SMAD2: variants seen among roughly 807,000 people sequenced by gnomAD.
SMAD2 encodes SMAD family member 2, also known as MAD homolog 2.
A neutral mutation model predicts 64.4 loss-of-function variants in SMAD2; 8 were observed. The observed-to-expected ratio is 0.12, with a 90% CI of 0.07 to 0.22. The LOEUF (loss-of-function observed/expected upper bound fraction) is 0.22. SMAD2 is among the 10% of genes least tolerant of loss of function. The pLI is 1.00. For synonymous variants in SMAD2, 203 were observed against 195.8 expected (o/e 1.04, Z -0.31); for missense variants, 289 against 561.2 (o/e 0.51, Z 4.90).
intron 1 of SMAD2, among the ~76,000 whole-genome samples, chr18:47,929,720 T>G (rs2034918193): frequency 6.6e-6 from 1 of 152,156 alleles, no homozygotes; most frequent in African/African-American, 2.4e-5. Context: ...TAAGGATAAG[T>G]AAAAGACAAA....
At chr18:47,864,451 A>C (rs957519780) in intron 6 of SMAD2, among the ~76,000 whole-genome samples, 1 of 152,218 alleles carries the variant, frequency 6.6e-6, no homozygotes, top group African/African-American at 2.4e-5. Flanking sequence ...AGATACAGAC[A>C]GGTAAAATGA....
intron 6 of SMAD2, among the ~76,000 whole-genome samples, chr18:47,858,022 A>G (rs979637777): frequency 4.6e-5 from 7 of 152,218 alleles, no homozygotes; most frequent in Non-Finnish European, 1.0e-4. Context: ...GGAAAGGATC[A>G]GCTCCTCAAC....
At chr18:47,921,097 C>A (rs914425763) in intron 1 of SMAD2, among the ~76,000 whole-genome samples, 3 of 152,140 alleles carry the variant, frequency 2.0e-5, no homozygotes, top group African/African-American at 7.2e-5. Flanking sequence ...GTCAAGGTTG[C>A]AGTGAGCTGT....
rs1468388981 is a variant in SMAD2 at position 47,836,154 on chromosome 18, A to G, written c.*5673T>C. Reference sequence around the variant, plus strand: ...GAAAATCCATTTATATTGAGCAAAGATCTGAATCACCTTCAATCAGGCTGT... The same window carrying G: ...GAAAATCCATTTATATTGAGCAAAGGTCTGAATCACCTTCAATCAGGCTGT... On this transcript the variant is annotated 3_prime_UTR_variant, in exon 11 of 11. Coordinates refer to ENST00000262160, the MANE Select transcript of SMAD2 (RefSeq NM_005901.6). The G allele has an allele frequency of 1.8e-5, 4 of 220,154 alleles. No homozygotes were observed. Among genetic ancestry groups the G allele is most frequent in the Non-Finnish European group, 3.6e-5 (4 of 109,858 alleles). 13.6% of individuals were successfully genotyped at this position (220,154 alleles called of 1,614,324 possible). A position where few individuals can be genotyped will look rare whatever the true frequency, so the allele number is the denominator to read the frequency against.
chr18:47,852,791 A>C lies in SMAD2; in HGVS notation c.731-1464T>G, dbSNP rs140296201. On this transcript the variant is annotated intron_variant, in intron 6 of 10. Transcript: ENST00000262160. ...CAGGCTAAATCTAATCAAGAAAATA[A>C]GGGGGCACAAACATACAAAATAAGA... Among the ~76,000 whole-genome samples, 678 of 152,242 alleles carry C rather than the reference A, an allele frequency of 4.5e-3. 5 individuals are homozygous for C. The highest frequency in any genetic ancestry group is 0.016 in the African/African-American group (649 of 41,544).
intron 1 of SMAD2, among the ~76,000 whole-genome samples, chr18:47,926,288 C>G (rs915663604): frequency 3.9e-5 from 6 of 152,164 alleles, no homozygotes; most frequent in Non-Finnish European, 8.8e-5. Flanking sequence ...AAGTATATTA[C>G]GTAGATTATT....
intron 3 of SMAD2, among the ~76,000 whole-genome samples, chr18:47,869,757 T>A (rs74430094): frequency 6.6e-6 from 1 of 152,198 alleles, no homozygotes; most frequent in Non-Finnish European, 1.5e-5. Context: ...TCAACTTCTA[T>A]GTTTAGTAAA....
intron 2 of SMAD2, among the ~76,000 whole-genome samples, chr18:47,886,108 A>G (rs997604475): frequency 2.0e-5 from 3 of 152,256 alleles, no homozygotes; most frequent in African/African-American, 7.2e-5. Context: ...CTTTACATCA[A>G]CCATAAAACA....
At chr18:47,872,098 A>C (rs533959313) in intron 2 of SMAD2, among the ~76,000 whole-genome samples, 11 of 152,314 alleles carry the variant, frequency 7.2e-5, no homozygotes, top group Non-Finnish European at 7.4e-5. Flanking sequence ...GTAATTGTTA[A>C]GAACTTGCAA....
At chr18:47,857,502 G>A (rs766860007) in intron 6 of SMAD2, among the ~76,000 whole-genome samples, 24 of 152,174 alleles carry the variant, frequency 1.6e-4, no homozygotes, top group Non-Finnish European at 2.8e-4. Flanking sequence ...GAAGATTGGG[G>A]AAAACCTTTG....
Position 47,810,249 on chromosome 18 carries a change from C to A in SMAD2, c.*31578G>T, listed in dbSNP as rs2144219761. 1 of 152,392 alleles carries A rather than the reference C, an allele frequency of 6.6e-6. No homozygotes were observed. Among genetic ancestry groups the A allele is most frequent in the East Asian group, 1.9e-4 (1 of 5,186 alleles). 9.4% of individuals were successfully genotyped at this position (152,392 alleles called of 1,614,324 possible). ...CACACGAGAAGAAAGTAAGAGGTCG[C>A]CAACCAAGTCATTTCCCTGTCCCCA... On this transcript the variant is annotated 3_prime_UTR_variant, in exon 11 of 11. Coordinates refer to ENST00000262160, the MANE Select transcript of SMAD2 (RefSeq NM_005901.6).
chr18:47,889,587 C>T (rs974038236), intron 2 of SMAD2, among the ~76,000 whole-genome samples: 2 of 151,946 alleles, frequency 1.3e-5, no homozygotes, highest in African/African-American at 2.4e-5. Flanking sequence ...CTGGCTAACA[C>T]GGTGAAACTC....
intron 2 of SMAD2, among the ~76,000 whole-genome samples, chr18:47,883,946 G>T (rs1598832013): frequency 6.6e-6 from 1 of 152,278 alleles, no homozygotes; most frequent in East Asian, 1.9e-4. Flanking sequence ...AAGCTGGTAA[G>T]AAAGCCCAGG....
chr18:47,874,725 C>T (rs1426076716), intron 2 of SMAD2, among the ~76,000 whole-genome samples: 3 of 152,084 alleles, frequency 2.0e-5, no homozygotes, highest in Non-Finnish European at 4.4e-5. Context: ...TAATTACTCA[C>T]TAATATATGC....
At chr18:47,855,488 A>T (rs991404633) in intron 6 of SMAD2, among the ~76,000 whole-genome samples, 3 of 152,144 alleles carry the variant, frequency 2.0e-5, no homozygotes, top group African/African-American at 4.8e-5. Flanking sequence ...GTAATAAATG[A>T]GTGTGCCTGT....
intron 1 of SMAD2, chr18:47,920,227 T>C (rs577536559): frequency 6.6e-6 from 1 of 152,286 alleles, no homozygotes. Flanking sequence ...ACTAATCCCA[T>C]TCATGAGGGC....
chr18:47,855,289 G>A (rs1007821430), intron 6 of SMAD2, among the ~76,000 whole-genome samples: 2 of 152,130 alleles, frequency 1.3e-5, no homozygotes, highest in African/African-American at 2.4e-5. Context: ...TCCAAGTTTT[G>A]GAAATTATAA....
chr18:47,896,773 G>C lies in SMAD2; in HGVS notation c.-17C>G. On this transcript the variant is annotated 5_prime_UTR_variant, in exon 2 of 11. Transcript: ENST00000262160. ...GGACGACATGTTCTTACCAAAGGCAGCAAGCCACGCTAGGAAAACAGCCTC... is the reference window on the plus strand; with the variant it reads ...GGACGACATGTTCTTACCAAAGGCACCAAGCCACGCTAGGAAAACAGCCTC... 1.2e-6 allele frequency: 2 copies of C among 1,611,358 alleles called. No homozygotes were observed. Among genetic ancestry groups the C allele is most frequent in the Admixed American group, 3.4e-5 (2 of 59,580 alleles).
In SMAD2 at chr18:47,922,392, GAA is replaced by G. The variant is rs2034594633; in HGVS notation, c.-54+7967_-54+7968del. 2.6e-5 allele frequency among the ~76,000 whole-genome samples: 4 copies of G among 152,128 alleles called. No individual in the cohort carries two copies. In the South Asian group the frequency reaches 8.3e-4, roughly 32 times the overall value. On this transcript the variant is annotated intron_variant, in intron 1 of 10. Transcript: ENST00000262160. ...CCAACCATGGATAAAAAATATTCAG[GAA>G]AAAACTGTGACTGTACTGAACATGT... is the stretch of plus-strand genomic sequence containing the variant.
Sources: gnomAD v4.1 joint callset for allele counts (sites outside exome capture counted in the v4.1 genomes callset) on GRCh38, gnomAD v4.1.1 for gene constraint, MANE v1.5 for transcripts, NCBI Gene and HGNC (gene_info 2026-07-23, HGNC 2026-07-21) for gene names.